The following RGL2 variants were observed in gnomAD, a reference collection of about 807,000 sequenced individuals.
RGL2 encodes the protein ral guanine nucleotide dissociation stimulator-like 2.
RGL2 carries 40 observed loss-of-function variants against 84.6 expected under a neutral mutation model. The observed-to-expected ratio is 0.47, with a 90% CI of 0.37 to 0.62. The LOEUF is 0.62. RGL2 is among the 20% of genes least tolerant of loss of function. RGL2 has a pLI of 0.00. For synonymous variants in RGL2, 369 were observed against 417.3 expected (o/e 0.88, Z 1.41); for missense variants, 865 against 1,019.7 (o/e 0.85, Z 2.07).
Position 33,297,103 on chromosome 6 carries a change from C to A in RGL2, c.169G>T (p.Val57Phe), listed in dbSNP as rs777142776. Residue 57 changes from valine to phenylalanine, a missense_variant, in exon 3 of 18, where the codon GTC (valine) becomes TTC (phenylalanine). Val to Phe is a conservative substitution (Grantham distance 50). Coordinates refer to ENST00000497454, the MANE Select transcript of RGL2 (RefSeq NM_004761.5). The surrounding 1 kb of genome is among the most constrained non-coding windows in gnomAD (Gnocchi z 4.0). ...GCACCATCCTCCTCCTCATCCCAGA[C>A]GGACACAGGGGCCTGGAGGAGCAAG... Reference protein sequence around the residue: ...EEEEEEAPVSVWDEEEDGAVF... With the variant: ...EEEEEEAPVSFWDEEEDGAVF... The A allele has an allele frequency of 6.4e-7, 1 of 1,557,772 alleles. No individual in the cohort carries two copies. Among genetic ancestry groups the A allele is most frequent in the South Asian group, 1.3e-5 (1 of 79,870 alleles).
In RGL2 at chr6:33,293,205, G is replaced by A; in HGVS notation, c.1818C>T (p.Ser606=). The part of the protein sequence containing the change: ...ADPSHLSPPA[S]SPRPSRGHRR... ...GGTGACCTCGAGAAGGCCTAGGGGA[G>A]GAGGCTGGTGGGGAGAGGTGGCTGG... is the stretch of plus-strand genomic sequence containing the variant. The change falls in exon 16 of 18, where the codon TCC becomes TCT. Residue 606 remains serine, a synonymous_variant. Coordinates refer to ENST00000497454, the MANE Select transcript of RGL2 (RefSeq NM_004761.5). The surrounding 1 kb of genome is among the most constrained non-coding windows in gnomAD (Gnocchi z 7.0). 6.4e-7 allele frequency: 1 copy of A among 1,573,390 alleles called. No homozygotes were observed. Among genetic ancestry groups the A allele is most frequent in the Non-Finnish European group, 8.6e-7 (1 of 1,161,940 alleles).
rs544439380 is a variant in RGL2 at position 33,296,836 on chromosome 6, A to C, written c.241-60T>G. On this transcript the variant is annotated intron_variant, in intron 3 of 17. Coordinates refer to ENST00000497454, the MANE Select transcript of RGL2 (RefSeq NM_004761.5). This position sits in a 1 kb window ranked among gnomAD's most constrained non-coding sequence, Gnocchi z 5.0. ...CTCCCACTCTGCACCTAGATTTCTG[A>C]GGACAATCCCAGACCCAGGAGATGT... The C allele has an allele frequency of 4.4e-6, 7 of 1,603,202 alleles. No individual in the cohort carries two copies. In the African/African-American group the frequency reaches 9.4e-5, roughly 21 times the overall value.
rs924384968 is a variant in RGL2, at chr6:33,297,293, C to T, written c.157-178G>A. The T allele has an allele frequency of 9.4e-6, 5 of 534,046 alleles. No homozygotes were observed. The highest frequency in any genetic ancestry group is 3.1e-5 in the South Asian group (1 of 32,434). The allele number at this position is 534,046 out of a possible 1,614,324, so 33.1% of individuals were successfully genotyped here. Reference sequence around the variant, plus strand: ...TGACCCCAGGTCTCCCCCACTGGGGCCCAGACAGCCCCACCCCAGCCGCCT... The same window carrying T: ...TGACCCCAGGTCTCCCCCACTGGGGTCCAGACAGCCCCACCCCAGCCGCCT... On this transcript the variant is annotated intron_variant, in intron 2 of 17. Transcript: ENST00000497454. This position sits in a 1 kb window ranked among gnomAD's most constrained non-coding sequence, Gnocchi z 4.0.
Position 33,293,877 on chromosome 6 carries a change from C to G in RGL2, c.1426G>C (p.Glu476Gln), listed in dbSNP as rs1396068317. Residue 476 changes from glutamate to glutamine, a missense_variant, in exon 13 of 18, where the codon GAA becomes CAA. Coordinates refer to ENST00000497454, the MANE Select transcript of RGL2 (RefSeq NM_004761.5). This position sits in a 1 kb window ranked among gnomAD's most constrained non-coding sequence, Gnocchi z 7.0. ...GGTTGGAGGTTATAGCCACGACATT[C>G]ATTCTGGAGCCGTCGCAACTCAGAA... ...VLSELRRLQN[E>Q]CRGYNLQPDH... The G allele has an allele frequency of 2.5e-6, 4 of 1,614,132 alleles. No homozygotes were observed. Among genetic ancestry groups the G allele is most frequent in the Non-Finnish European group, 3.4e-6 (4 of 1,180,042 alleles).
rs1357417061 is a variant in RGL2, at chr6:33,294,017, C to A, written c.1386+17G>T. The A allele has an allele frequency of 1.2e-6, 2 of 1,613,806 alleles. No homozygotes were observed. The highest frequency in any genetic ancestry group is 1.7e-6 in the Non-Finnish European group (2 of 1,179,984). ...TGGATAGGGAAGTCCAGCATCCAGC[C>A]CAGACACTCCGCTCACCTTCCTCCG... is the stretch of plus-strand genomic sequence containing the variant. On this transcript the variant is annotated intron_variant, in intron 12 of 17. Transcript: ENST00000497454. The surrounding 1 kb of genome is among the most constrained non-coding windows in gnomAD (Gnocchi z 5.0).
At position 33,295,451 on chromosome 6, in the gene RGL2, C is replaced by T; in HGVS notation, c.1021-29G>A. 1 of 1,613,348 alleles carries T rather than the reference C, an allele frequency of 6.2e-7. No individual in the cohort carries two copies. The highest frequency in any genetic ancestry group is 8.5e-7 in the Non-Finnish European group (1 of 1,179,928). ...TGGGGGTCAAAGAAGAGAGCTAAGG[C>T]TATGGGAGGCCTCTCCATTCCATGG... is the stretch of plus-strand genomic sequence containing the variant. On this transcript the variant is annotated intron_variant, in intron 7 of 17. Transcript: ENST00000497454. The surrounding 1 kb of genome is among the most constrained non-coding windows in gnomAD (Gnocchi z 7.2).
At position 33,297,597 on chromosome 6, in the gene RGL2, A is replaced by AC. The variant is rs1053427742; in HGVS notation, c.157-483dup. Reference sequence around the variant, plus strand: ...ATTAGTCTTTTTCAGGACCCCTTTCACCCTGGTCCCTCGGGTAGCGCCTCC... The same window carrying AC: ...ATTAGTCTTTTTCAGGACCCCTTTCACCCCTGGTCCCTCGGGTAGCGCCTCC... On this transcript the variant is annotated intron_variant, in intron 2 of 17. Transcript: ENST00000497454. The surrounding 1 kb of genome is among the most constrained non-coding windows in gnomAD (Gnocchi z 4.0). 1.3e-5 allele frequency: 2 copies of AC among 157,114 alleles called. No homozygotes were observed. Among genetic ancestry groups the AC allele is most frequent in the African/African-American group, 2.4e-5 (1 of 41,504 alleles). The allele number at this position is 157,114 out of a possible 1,614,324, so 9.7% of individuals were successfully genotyped here. A position where few individuals can be genotyped will look rare whatever the true frequency, so the allele number is the denominator to read the frequency against.
Position 33,293,557 on chromosome 6 carries a change from A to G in RGL2, c.1605-33T>C, listed in dbSNP as rs531425933. 1 of 1,612,736 alleles carries G rather than the reference A, an allele frequency of 6.2e-7. No individual in the cohort carries two copies. The highest frequency in any genetic ancestry group is 1.3e-5 in the African/African-American group (1 of 74,996). On this transcript the variant is annotated intron_variant, in intron 14 of 17. Coordinates refer to ENST00000497454, the MANE Select transcript of RGL2 (RefSeq NM_004761.5). This position sits in a 1 kb window ranked among gnomAD's most constrained non-coding sequence, Gnocchi z 7.0. The stretch of plus-strand genomic sequence containing the variant: ...GGCAGGAGATTGGGAGGATCAGAGA[A>G]AAGTGGAAGTCCCAAGAAACCACCC...
chr6:33,297,309 C>G lies in RGL2; in HGVS notation c.157-194G>C. 1 of 517,832 alleles carries G rather than the reference C, an allele frequency of 1.9e-6. No homozygotes were observed. Among genetic ancestry groups the G allele is most frequent in the Non-Finnish European group, 3.4e-6 (1 of 295,416 alleles). 32.1% of individuals were successfully genotyped at this position (517,832 alleles called of 1,614,324 possible). A position where few individuals can be genotyped will look rare whatever the true frequency, so the allele number is the denominator to read the frequency against. ...CCACTGGGGCCCAGACAGCCCCACCCCAGCCGCCTCAGGGCCCCGGTGGAG... is the reference window on the plus strand; with the variant it reads ...CCACTGGGGCCCAGACAGCCCCACCGCAGCCGCCTCAGGGCCCCGGTGGAG... On this transcript the variant is annotated intron_variant, in intron 2 of 17. Coordinates refer to ENST00000497454, the MANE Select transcript of RGL2 (RefSeq NM_004761.5). The surrounding 1 kb of genome is among the most constrained non-coding windows in gnomAD (Gnocchi z 4.0).
chr6:33,293,217 G>A lies in RGL2; in HGVS notation c.1806C>T (p.Ser602=), dbSNP rs1767606199. Residue 602 remains serine, a synonymous_variant, in exon 16 of 18, where the codon TCC becomes TCT. Coordinates refer to ENST00000497454, the MANE Select transcript of RGL2 (RefSeq NM_004761.5). The surrounding 1 kb of genome is among the most constrained non-coding windows in gnomAD (Gnocchi z 7.0). ...AAGGCCTAGGGGAGGAGGCTGGTGG[G>A]GAGAGGTGGCTGGGGTCAGCTGGAC... ...LHSPADPSHL[S]PPASSPRPSR... 1 of 1,565,402 alleles carries A rather than the reference G, an allele frequency of 6.4e-7. No individual in the cohort carries two copies. Among genetic ancestry groups the A allele is most frequent in the East Asian group, 2.2e-5 (1 of 44,650 alleles).
rs992285509 is a variant in RGL2, at chr6:33,294,614, G to A, written c.1353+74C>T. 4 of 1,537,528 alleles carry A rather than the reference G, an allele frequency of 2.6e-6. No individual in the cohort carries two copies. In the Admixed American group the frequency reaches 5.3e-5, roughly 20 times the overall value. ...ATTTGTGCCTTACAGCCCCTTGCAA[G>A]GGGCGGGGGGGTCTGTCCGACCCTG... is the stretch of plus-strand genomic sequence containing the variant. On this transcript the variant is annotated intron_variant, in intron 11 of 17. Coordinates refer to ENST00000497454, the MANE Select transcript of RGL2 (RefSeq NM_004761.5). This position sits in a 1 kb window ranked among gnomAD's most constrained non-coding sequence, Gnocchi z 5.0.
In RGL2 at chr6:33,294,340, T is replaced by C. The variant is rs1767726373; in HGVS notation, c.1354-274A>G. 1.3e-5 allele frequency among the ~76,000 whole-genome samples: 2 copies of C among 152,062 alleles called. No individual in the cohort carries two copies. The highest frequency in any genetic ancestry group is 6.5e-5 in the Admixed American group (1 of 15,270). On this transcript the variant is annotated intron_variant, in intron 11 of 17. Coordinates refer to ENST00000497454, the MANE Select transcript of RGL2 (RefSeq NM_004761.5). The surrounding 1 kb of genome is among the most constrained non-coding windows in gnomAD (Gnocchi z 5.0). ...GTATCCAATTCGACAGGATTCCTTA[T>C]CCAGAGAGGATAAGGAACTTGTCCA...
In RGL2 at chr6:33,292,089, CG is replaced by C. The variant is rs1485326023; in HGVS notation, c.*12del. ...GAACACCATGACTTCTGTAAGCCAA[CG>C]GGGCTTCCTCCTCAGAACAGTGCCC... is the stretch of plus-strand genomic sequence containing the variant. On this transcript the variant is annotated 3_prime_UTR_variant, in exon 18 of 18. Coordinates refer to ENST00000497454, the MANE Select transcript of RGL2 (RefSeq NM_004761.5). The C allele has an allele frequency of 1.9e-6, 3 of 1,613,898 alleles. No homozygotes were observed. Among genetic ancestry groups the C allele is most frequent in the African/African-American group, 2.7e-5 (2 of 74,926 alleles).
chr6:33,291,957 TA>T lies in RGL2; in HGVS notation c.*144del. On this transcript the variant is annotated 3_prime_UTR_variant, in exon 18 of 18. Transcript: ENST00000497454. ...AGGGCTGGATTTCTCAGCTGTCTGG[TA>T]AACCAGTGGCACTTCACTGCCCCAG... The T allele has an allele frequency of 1.2e-6, 1 of 834,966 alleles. No homozygotes were observed. The highest frequency in any genetic ancestry group is 1.9e-6 in the Non-Finnish European group (1 of 526,012). The allele number at this position is 834,966 out of a possible 1,614,324, so 51.7% of individuals were successfully genotyped here.
Position 33,293,295 on chromosome 6 carries a change from C to T in RGL2, c.1728G>A (p.Trp576Ter). Residue 576 changes from tryptophan (W) to a stop codon, truncating the protein, a stop_gained, in exon 16 of 18, where the codon TGG becomes TGA. Coordinates refer to ENST00000497454, the MANE Select transcript of RGL2 (RefSeq NM_004761.5). LOFTEE classifies it high-confidence loss of function. The surrounding 1 kb of genome is among the most constrained non-coding windows in gnomAD (Gnocchi z 7.0). ...LLTRLAQHMK[W>*]PSVSSLDSAL... ...CAGAGTCTAGTGACGAGACAGATGG[C>T]CACTTCATGTGCTAGGAACAAACAA... The T allele has an allele frequency of 6.5e-7, 1 of 1,549,314 alleles. No individual in the cohort carries two copies. Among genetic ancestry groups the T allele is most frequent in the Non-Finnish European group, 8.7e-7 (1 of 1,149,076 alleles).
rs780463159 is a variant in RGL2, at chr6:33,296,191, C to G, written c.605G>C (p.Gly202Ala). Reference protein sequence around the residue: ...TGYAAGKGVGGGSADLIRNLR... With the variant: ...TGYAAGKGVGAGSADLIRNLR... ...ATTGCGGATGAGGTCAGCGCTGCCC[C>G]CCCCAACACCCTTCCCTGCTGCATA... The change falls in exon 6 of 18, where the codon GGG (glycine) becomes GCG (alanine). Residue 202 changes from glycine to alanine, a missense_variant. Gly to Ala is a moderately conservative substitution (Grantham distance 60). Transcript: ENST00000497454. This position sits in a 1 kb window ranked among gnomAD's most constrained non-coding sequence, Gnocchi z 5.0. The G allele has an allele frequency of 6.2e-7, 1 of 1,613,836 alleles. No individual in the cohort carries two copies. The highest frequency in any genetic ancestry group is 1.3e-5 in the African/African-American group (1 of 74,930).
At position 33,297,654 on chromosome 6, in the gene RGL2, A is replaced by G. The variant is rs1008064210; in HGVS notation, c.157-539T>C. 1 of 153,308 alleles carries G rather than the reference A, an allele frequency of 6.5e-6. No individual in the cohort carries two copies. The highest frequency in any genetic ancestry group is 6.5e-5 in the Admixed American group (1 of 15,334). The allele number at this position is 153,308 out of a possible 1,614,324, so 9.5% of individuals were successfully genotyped here. On this transcript the variant is annotated intron_variant, in intron 2 of 17. Transcript: ENST00000497454. The surrounding 1 kb of genome is among the most constrained non-coding windows in gnomAD (Gnocchi z 4.0). ...TCAGCCCTAAGGGACCCCCGAAGGT[A>G]GCAGCTCCAATCCCAGTACAGGAAG...
Position 33,296,634 on chromosome 6 carries a change from G to T in RGL2, c.383C>A (p.Thr128Asn). ...SAFLATHRAF[T>N]STPALLGLMA... ...AAGCCCTAGCAAGGCAGGCGTGGAG[G>T]TGAAGGCCCGGTGGGTAGCCAGGAA... Residue 128 changes from threonine (T) to asparagine (N), a missense_variant, in exon 4 of 18, where the codon ACC (threonine) becomes AAC (asparagine). By Grantham distance (65) the Thr-to-Asn change is moderately conservative. This residue lies in a region of RGL2 where 455 missense variants were observed against 507.8 expected (regional missense o/e 0.90). Coordinates refer to ENST00000497454, the MANE Select transcript of RGL2 (RefSeq NM_004761.5). This position sits in a 1 kb window ranked among gnomAD's most constrained non-coding sequence, Gnocchi z 5.0. 6.2e-7 allele frequency: 1 copy of T among 1,613,920 alleles called. No individual in the cohort carries two copies. Among genetic ancestry groups the T allele is most frequent in the Non-Finnish European group, 8.5e-7 (1 of 1,180,008 alleles).
rs1396470554 is a variant in RGL2 at position 33,294,939 on chromosome 6, T to C, written c.1278+38A>G. On this transcript the variant is annotated intron_variant, in intron 10 of 17. Transcript: ENST00000497454. This position sits in a 1 kb window ranked among gnomAD's most constrained non-coding sequence, Gnocchi z 5.0. The stretch of plus-strand genomic sequence containing the variant: ...AAACATACTCCTCACCCCTTCATAA[T>C]CACCACCCCCACGCCCACCACCCCG... 3 of 1,548,724 alleles carry C rather than the reference T, an allele frequency of 1.9e-6. No homozygotes were observed. Among genetic ancestry groups the C allele is most frequent in the Admixed American group, 1.9e-5 (1 of 51,306 alleles).
Sources: gnomAD v4.1 joint callset for allele counts (sites outside exome capture counted in the v4.1 genomes callset) on GRCh38, gnomAD v4.1.1 for gene constraint, gnomAD v4.1.1 regional missense constraint, Gnocchi (gnomAD v3.1) non-coding constraint, MANE v1.5 for transcripts, NCBI Gene and HGNC (gene_info 2026-07-23, HGNC 2026-07-21) for gene names.